SETD1B: variants seen among roughly 807,000 people sequenced by gnomAD.
SETD1B encodes the protein SET domain containing 1B, histone lysine methyltransferase, also known as histone-lysine N-methyltransferase SETD1B.
SETD1B carries 7 observed loss-of-function variants against 148.0 expected under a neutral mutation model. That is an observed-to-expected ratio of 0.05 (90% confidence interval 0.03 to 0.09). SETD1B has a LOEUF of 0.09. SETD1B is among the 10% of genes least tolerant of loss of function. The pLI, the probability that SETD1B is intolerant of heterozygous loss-of-function variation, is 1.00. For synonymous variants in SETD1B, 1,361 were observed against 1,186.5 expected, an observed-to-expected ratio of 1.15 and a Z score of -3.02; for missense variants, 2,155 against 2,729.9, an observed-to-expected ratio of 0.79 and a Z score of 4.69.
rs1876460185 is a variant in SETD1B, at chr12:121,819,461, C to G, written c.3476C>G (p.Ser1159Cys). The G allele has an allele frequency of 1.3e-6, 2 of 1,552,054 alleles. No individual in the cohort carries two copies. The highest frequency in any genetic ancestry group is 1.7e-6 in the Non-Finnish European group (2 of 1,147,112). ...GAAGCCACGTCGTCCAGTGAGAGTT[C>G]CGAGTCTTCTGAGTTTGAGTCAAGC... ...KAEATSSSES[S>C]ESSEFESSSE... The change falls in exon 11 of 17, where the codon TCC becomes TGC. Residue 1159 changes from serine (S) to cysteine (C), a missense_variant. Physicochemically the swap from Ser to Cys is moderately radical, Grantham distance 112 (BLOSUM62 -1). Transcript: ENST00000604567.
Position 121,817,631 on chromosome 12 carries a change from C to T in SETD1B, c.3239C>T (p.Ala1080Val), listed in dbSNP as rs767661750. 25 of 1,548,486 alleles carry T rather than the reference C, an allele frequency of 1.6e-5. No individual in the cohort carries two copies. In the East Asian group the frequency reaches 3.2e-4, roughly 20 times the overall value. ...GAGAGCACCGAGGAGGAAGAGGAGGCGGAGGAGGAGGAGGAGGAGGAAGTC... is the reference window on the plus strand; with the variant it reads ...GAGAGCACCGAGGAGGAAGAGGAGGTGGAGGAGGAGGAGGAGGAGGAAGTC... ...EQESTEEEEEAEEEEEEEVPR... is the reference protein window; with the variant it reads ...EQESTEEEEEVEEEEEEEVPR... Residue 1080 changes from alanine (A) to valine (V), a missense_variant, in exon 9 of 17, where the codon GCG becomes GTG. Physicochemically the swap from Ala to Val is moderately conservative, Grantham distance 64 (BLOSUM62 0). This residue lies in a region of SETD1B where 862 missense variants were observed against 873.8 expected (regional missense o/e 0.99). Coordinates refer to ENST00000604567, the MANE Select transcript of SETD1B (RefSeq NM_001353345.2). This position sits in a 1 kb window ranked among gnomAD's most constrained non-coding sequence, Gnocchi z 8.1.
At position 121,817,974 on chromosome 12, in the gene SETD1B, T is replaced by C; in HGVS notation, c.3418+70T>C. 1 of 1,403,802 alleles carries C rather than the reference T, an allele frequency of 7.1e-7. No individual in the cohort carries two copies. The highest frequency in any genetic ancestry group is 9.5e-7 in the Non-Finnish European group (1 of 1,052,672). The allele number at this position is 1,403,802 out of a possible 1,614,324, so 87.0% of individuals were successfully genotyped here. A position where few individuals can be genotyped will look rare whatever the true frequency, so the allele number is the denominator to read the frequency against. ...TTTCCCCGGGGCAGAGCCTGAGCAA[T>C]TGTCAGAAATACTTCTGAGCCAAAA... On this transcript the variant is annotated intron_variant, in intron 10 of 16. Coordinates refer to ENST00000604567, the MANE Select transcript of SETD1B (RefSeq NM_001353345.2). This position sits in a 1 kb window ranked among gnomAD's most constrained non-coding sequence, Gnocchi z 8.1.
Position 121,810,110 on chromosome 12 carries a change from C to T in SETD1B, c.1165C>T (p.Pro389Ser), listed in dbSNP as rs1051138647. 1 of 1,550,202 alleles carries T rather than the reference C, an allele frequency of 6.5e-7. No individual in the cohort carries two copies. Among genetic ancestry groups the T allele is most frequent in the Non-Finnish European group, 8.7e-7 (1 of 1,146,930 alleles). Residue 389 changes from proline (P) to serine (S), a missense_variant, in exon 6 of 17, where the codon CCT becomes TCT. Coordinates refer to ENST00000604567, the MANE Select transcript of SETD1B (RefSeq NM_001353345.2). The surrounding 1 kb of genome is among the most constrained non-coding windows in gnomAD (Gnocchi z 7.6). ...AHTPPPAQATPAPGFKSAFSP... is the reference protein window; with the variant it reads ...AHTPPPAQATSAPGFKSAFSP... Reference sequence around the variant, plus strand: ...CACTCCACCACCCGCCCAAGCAACCCCTGCTCCTGGATTCAAGTCTGCTTT... The same window carrying T: ...CACTCCACCACCCGCCCAAGCAACCTCTGCTCCTGGATTCAAGTCTGCTTT...
At chr12:121,824,849 CA>C (rs933804870) in intron 12 of SETD1B, among the ~76,000 whole-genome samples, 2 of 151,548 alleles carry the variant, frequency 1.3e-5, no homozygotes, top group Non-Finnish European at 2.9e-5. Context: ...CCCATCTCTA[CA>C]AAAAAAATCC....
intron 6 of SETD1B, among the ~76,000 whole-genome samples, chr12:121,812,572 GC>G (rs1876089038): frequency 6.6e-6 from 1 of 152,064 alleles, no homozygotes; most frequent in South Asian, 2.1e-4. Context: ...GCCGGCCGGG[GC>G]TGGAGCGCAG....
At chr12:121,797,207 G>A in the SETD1B span, 1 of 355,406 alleles carries the variant, frequency 2.8e-6, no homozygotes, top group Non-Finnish European at 5.6e-6. Flanking sequence ...GGTCCGAAAG[G>A]TCATGTTCCA....
intron 13 of SETD1B, among the ~76,000 whole-genome samples, chr12:121,827,124 GT>G (rs758821571): frequency 4.6e-5 from 7 of 152,094 alleles, no homozygotes; most frequent in Non-Finnish European, 8.8e-5. Flanking sequence ...TGCTCCAAAG[GT>G]TAATGGCTGG....
Position 121,817,879 on chromosome 12 carries a change from G to A in SETD1B, c.3393G>A (p.Glu1131=). ...ACACAGCCCTGTCAGAGGCGAGTGA[G>A]AAGGACGAAGGGGACTCGGATGAAG... The part of the protein sequence containing the change: ...DEDTALSEAS[E]KDEGDSDEEE... Residue 1131 remains glutamate (E), a synonymous_variant, in exon 10 of 17, where the codon GAG becomes GAA. Coordinates refer to ENST00000604567, the MANE Select transcript of SETD1B (RefSeq NM_001353345.2). The surrounding 1 kb of genome is among the most constrained non-coding windows in gnomAD (Gnocchi z 8.1). 6.5e-7 allele frequency: 1 copy of A among 1,550,356 alleles called. No homozygotes were observed. The highest frequency in any genetic ancestry group is 8.7e-7 in the Non-Finnish European group (1 of 1,146,372).
At chr12:121,811,348 A>G (rs1566549898) in intron 6 of SETD1B, among the ~76,000 whole-genome samples, 3 of 145,458 alleles carry the variant, frequency 2.1e-5, no homozygotes, top group Admixed American at 1.4e-4. Flanking sequence ...TGCCCTCTGA[A>G]GAGGGGGAAA....
rs779916649 is a variant in SETD1B at position 121,823,764 on chromosome 12, TG to T, written c.5170+21del. 7.8e-6 allele frequency: 12 copies of T among 1,533,030 alleles called. No homozygotes were observed. The highest frequency in any genetic ancestry group is 2.4e-5 in the South Asian group (2 of 82,698). The allele number at this position is 1,533,030 out of a possible 1,614,324, so 95.0% of individuals were successfully genotyped here. On this transcript the variant is annotated intron_variant, in intron 12 of 16. Coordinates refer to ENST00000604567, the MANE Select transcript of SETD1B (RefSeq NM_001353345.2). ...CTACCATCCCTATATCCTGCTGGCA[TG>T]GGGGGCTCTGCACCTTCTGGGATGC... is the stretch of plus-strand genomic sequence containing the variant.
rs1234175462 is a variant in SETD1B, at chr12:121,809,652, G to A, written c.707G>A (p.Cys236Tyr). ...AAGGATGGAGGCCTGTCTGCAGGCT[G>A]TGGCTCCGGCTCCTCCTCTGTCACC... ...RLKDGGLSAGCGSGSSSVTPN... is the reference protein window; with the variant it reads ...RLKDGGLSAGYGSGSSSVTPN... The change falls in exon 6 of 17, where the codon TGT (cysteine) becomes TAT (tyrosine). Residue 236 changes from cysteine to tyrosine, a missense_variant. By Grantham distance (194) the Cys-to-Tyr change is radical. Around this residue, in one of 11 missense-constraint regions of SETD1B, gnomAD observed 124 missense variants for 282.9 expected, o/e 0.44. Coordinates refer to ENST00000604567, the MANE Select transcript of SETD1B (RefSeq NM_001353345.2). The A allele has an allele frequency of 7.7e-6, 12 of 1,551,564 alleles. No homozygotes were observed. Among genetic ancestry groups the A allele is most frequent in the East Asian group, 2.4e-5 (1 of 40,922 alleles).
In SETD1B at chr12:121,817,422, C is replaced by G; in HGVS notation, c.3030C>G (p.Ala1010=). ...RDMADTPCEL[A]KRDPKGVGVR... ...TGGCAGACACCCCCTGTGAGCTCGC[C>G]AAGCGGGACCCCAAGGGCGTGGGTG... The change falls in exon 9 of 17, where the codon GCC becomes GCG. Residue 1010 remains alanine (A), a synonymous_variant. Coordinates refer to ENST00000604567, the MANE Select transcript of SETD1B (RefSeq NM_001353345.2). This position sits in a 1 kb window ranked among gnomAD's most constrained non-coding sequence, Gnocchi z 8.1. The G allele has an allele frequency of 1.3e-6, 2 of 1,538,866 alleles. No homozygotes were observed. The highest frequency in any genetic ancestry group is 1.8e-6 in the Non-Finnish European group (2 of 1,138,196).
At chr12:121,824,226 C>T (rs1876728069) in intron 12 of SETD1B, among the ~76,000 whole-genome samples, 1 of 152,330 alleles carries the variant, frequency 6.6e-6, no homozygotes, top group African/African-American at 2.4e-5. Context: ...AAACCTGGCT[C>T]TAGAGTCCAG....
At chr12:121,826,220 A>G (rs1876832277) in intron 13 of SETD1B, among the ~76,000 whole-genome samples, 1 of 152,070 alleles carries the variant, frequency 6.6e-6, no homozygotes, top group African/African-American at 2.4e-5. Flanking sequence ...TGGAATTTAT[A>G]TTTTAATGGG....
At chr12:121,797,483 G>A in the SETD1B span, 2 of 456,354 alleles carry the variant, frequency 4.4e-6, no homozygotes, top group South Asian at 3.1e-5. Context: ...GGGGGACAAA[G>A]AAAGAAGAGG....
At chr12:121,820,663 A>T (rs1013340418) in intron 11 of SETD1B, among the ~76,000 whole-genome samples, 7 of 152,132 alleles carry the variant, frequency 4.6e-5, no homozygotes, top group Non-Finnish European at 1.0e-4. Flanking sequence ...CCTCCAGAGT[A>T]GCTGGGACTA....
rs1876617746 is a variant in SETD1B, at chr12:121,822,636, G to A, written c.4057G>A (p.Glu1353Lys). 6.4e-7 allele frequency: 1 copy of A among 1,551,200 alleles called. No individual in the cohort carries two copies. Among genetic ancestry groups the A allele is most frequent in the Non-Finnish European group, 8.7e-7 (1 of 1,146,786 alleles). Reference protein sequence around the residue: ...TDASHPSVPPEPLAEDHPPHT... With the variant: ...TDASHPSVPPKPLAEDHPPHT... ...TGCCTCACACCCATCTGTCCCTCCGGAGCCCCTTGCCGAGGACCACCCCCC... is the reference window on the plus strand; with the variant it reads ...TGCCTCACACCCATCTGTCCCTCCGAAGCCCCTTGCCGAGGACCACCCCCC... The change falls in exon 12 of 17, where the codon GAG (glutamate) becomes AAG (lysine). Residue 1353 changes from glutamate (E) to lysine (K), a missense_variant. Physicochemically the swap from Glu to Lys is moderately conservative, Grantham distance 56 (BLOSUM62 1). Coordinates refer to ENST00000604567, the MANE Select transcript of SETD1B (RefSeq NM_001353345.2).
the SETD1B span, among the ~76,000 whole-genome samples, chr12:121,790,908 C>A: frequency 6.6e-6 from 1 of 152,192 alleles, no homozygotes; most frequent in Non-Finnish European, 1.5e-5. Flanking sequence ...GGGTCTCGCT[C>A]TGTTGCCCAG....
chr12:121,810,382 C>T lies in SETD1B; in HGVS notation c.1437C>T (p.Ser479=). ...GCTGGAGTCCTGAGCCCTGTGACAGCCCTGGCACGCCCACGCTGGAGTCGT... is the reference window on the plus strand; with the variant it reads ...GCTGGAGTCCTGAGCCCTGTGACAGTCCTGGCACGCCCACGCTGGAGTCGT... The part of the protein sequence containing the change: ...TFGWSPEPCD[S]PGTPTLESSP... Residue 479 remains serine (S), a synonymous_variant, in exon 6 of 17, where the codon AGC becomes AGT. Transcript: ENST00000604567. The surrounding 1 kb of genome is among the most constrained non-coding windows in gnomAD (Gnocchi z 7.6). 6.5e-7 allele frequency: 1 copy of T among 1,548,430 alleles called. No homozygotes were observed. Among genetic ancestry groups the T allele is most frequent in the Non-Finnish European group, 8.7e-7 (1 of 1,146,900 alleles).
Sources: allele counts gnomAD v4.1 joint callset (sites outside exome capture counted in the v4.1 genomes callset), GRCh38; gene constraint gnomAD v4.1.1; regional missense constraint gnomAD v4.1.1; non-coding constraint Gnocchi (gnomAD v3.1); transcripts MANE v1.5; gene names NCBI Gene and HGNC (gene_info 2026-07-23, HGNC 2026-07-21).